Variants in BBS9 observed in about 807,000 individuals in gnomAD.
BBS9 encodes the protein Bardet-Biedl syndrome 9, also known as protein PTHB1.
In BBS9, 89 loss-of-function variants were observed where a neutral mutation model predicts 117.7. That is an observed-to-expected ratio of 0.76 (90% CI 0.64 to 0.90). BBS9 has a LOEUF of 0.90. Among genes scored for constraint, BBS9 ranks in the 40% least tolerant of loss-of-function variants. The probability of loss-of-function intolerance (pLI) is 0.00; values close to 1 mark genes in which losing one functional copy is unlikely to be tolerated. For missense variants in BBS9, 982 were observed against 1,042.2 expected, an observed-to-expected ratio of 0.94 and a Z score of 0.80; for synonymous variants, 379 against 370.9, an observed-to-expected ratio of 1.02 and a Z score of -0.25.
intron 5 of BBS9, among the ~76,000 whole-genome samples, chr7:33,229,025 G>A (rs2128252118): frequency 6.6e-6 from 1 of 152,168 alleles, no homozygotes; most frequent in South Asian, 2.1e-4. Flanking sequence ...TGAGGATGAA[G>A]ACTTAGGCTT....
At chr7:33,391,269 T>C (rs1169404622) in intron 19 of BBS9, among the ~76,000 whole-genome samples, 1 of 152,190 alleles carries the variant, frequency 6.6e-6, no homozygotes, top group Non-Finnish European at 1.5e-5. Context: ...GTGGCATAAC[T>C]CCACTGCATG....
chr7:33,225,194 T>C (rs1173779717), intron 5 of BBS9, among the ~76,000 whole-genome samples: 1 of 152,096 alleles, frequency 6.6e-6, no homozygotes, highest in Non-Finnish European at 1.5e-5. Context: ...TTATTGTTAT[T>C]ATTTGTTTAT....
intron 9 of BBS9, among the ~76,000 whole-genome samples, chr7:33,299,532 A>G (rs939569998): frequency 4.7e-5 from 7 of 149,692 alleles, no homozygotes; most frequent in African/African-American, 1.7e-4. Context: ...CCAAAATAAT[A>G]GTAATATTAT....
intron 20 of BBS9, among the ~76,000 whole-genome samples, chr7:33,525,112 GA>G (rs1197687265): frequency 6.6e-6 from 1 of 152,216 alleles, no homozygotes; most frequent in African/African-American, 2.4e-5. Flanking sequence ...TGGTCTGAGA[GA>G]TAGTTTGTTA....
intron 9 of BBS9, among the ~76,000 whole-genome samples, chr7:33,301,579 T>C (rs1417992083): frequency 1.3e-5 from 2 of 152,174 alleles, no homozygotes; most frequent in South Asian, 4.1e-4. Context: ...TCCATTCATG[T>C]TGTTGCAAAT....
At chr7:33,255,520 A>C (rs1285180161) in intron 5 of BBS9, among the ~76,000 whole-genome samples, 1 of 152,188 alleles carries the variant, frequency 6.6e-6, no homozygotes, top group Non-Finnish European at 1.5e-5. Context: ...AGCTACAGGA[A>C]TATCAGTAAC....
In BBS9 at chr7:33,383,637, A is replaced by C. The variant is rs755167963; in HGVS notation, c.1790-29A>C. ...TTTATCTAGTAATTCTGTGTTACTA[A>C]GCATTTTTCCTTAATTTTTTTCTCT... On this transcript the variant is annotated intron_variant, in intron 17 of 22. Transcript: ENST00000242067. The C allele has an allele frequency of 4.4e-6, 7 of 1,574,758 alleles. No individual in the cohort carries two copies. The South Asian group carries it at 8.0e-5, about 18-fold the overall frequency.
At chr7:33,304,374 T>G (rs1407287872) in intron 9 of BBS9, among the ~76,000 whole-genome samples, 1 of 135,808 alleles carries the variant, frequency 7.4e-6, no homozygotes, top group Non-Finnish European at 1.6e-5. Context: ...GGAGCACCTC[T>G]GCCCGGCCGC....
intron 21 of BBS9, among the ~76,000 whole-genome samples, chr7:33,577,379 G>T (rs565553721): frequency 3.3e-5 from 5 of 152,212 alleles, no homozygotes; most frequent in African/African-American, 1.2e-4. Context: ...TTAGAATGGC[G>T]ATCGTTAAAA....
chr7:33,272,410 G>A (rs1799947494), intron 7 of BBS9, among the ~76,000 whole-genome samples: 2 of 152,226 alleles, frequency 1.3e-5, no homozygotes, highest in South Asian at 4.1e-4. Flanking sequence ...TCAAAATGGT[G>A]TGTCTTTGCT....
chr7:33,480,349 G>T (rs939877467), intron 19 of BBS9, among the ~76,000 whole-genome samples: 6 of 152,184 alleles, frequency 3.9e-5, no homozygotes, highest in African/African-American at 1.4e-4. Flanking sequence ...GATAAAGAGG[G>T]TTTTTATTTG....
intron 21 of BBS9, among the ~76,000 whole-genome samples, chr7:33,595,242 A>G (rs1357113004): frequency 6.6e-6 from 1 of 152,160 alleles, no homozygotes; most frequent in Non-Finnish European, 1.5e-5. Flanking sequence ...AAGCTATATC[A>G]TCGGAGTAAC....
intron 16 of BBS9, among the ~76,000 whole-genome samples, 157 bp from the exon 17 acceptor site, chr7:33,367,610 A>G (rs1563072600): frequency 6.6e-6 from 1 of 152,226 alleles, no homozygotes; most frequent in Non-Finnish European, 1.5e-5. Context: ...ATTGGAAGCT[A>G]CTATGGAAAT....
intron 5 of BBS9, among the ~76,000 whole-genome samples, chr7:33,234,342 A>G (rs1026620311): frequency 1.3e-5 from 2 of 152,086 alleles, no homozygotes; most frequent in Non-Finnish European, 2.9e-5. Flanking sequence ...CTATTGAGGT[A>G]TAGTTGACAA....
chr7:33,129,291 G>T, upstream of BBS9: 1 of 550,184 alleles, frequency 1.8e-6, no homozygotes, highest in South Asian at 2.4e-5. Context: ...GGCCGGGGGG[G>T]CGTGGCCTGC....
At chr7:33,521,642 A>T (rs1848612145) in intron 20 of BBS9, among the ~76,000 whole-genome samples, 1 of 152,208 alleles carries the variant, frequency 6.6e-6, no homozygotes, top group Middle Eastern at 3.2e-3. Flanking sequence ...TTATAAAAAC[A>T]TGAATATGAT....
intron 19 of BBS9, among the ~76,000 whole-genome samples, chr7:33,435,597 G>C (rs1262475440): frequency 6.6e-6 from 1 of 152,124 alleles, no homozygotes; most frequent in Non-Finnish European, 1.5e-5. Flanking sequence ...TTGCAATATA[G>C]ATGCATCAAT....
intron 19 of BBS9, among the ~76,000 whole-genome samples, chr7:33,497,196 A>T (rs1445540609): frequency 2.0e-5 from 3 of 152,210 alleles, no homozygotes; most frequent in African/African-American, 7.2e-5. Context: ...GCAATTTTTT[A>T]AAAAGTAGAT....
chr7:33,147,086 T>C (rs1792521695), intron 2 of BBS9, among the ~76,000 whole-genome samples: 1 of 152,210 alleles, frequency 6.6e-6, no homozygotes, highest in Non-Finnish European at 1.5e-5. Flanking sequence ...TATTTGGTGG[T>C]AGAAAACAAT....
Sources: gnomAD v4.1 joint callset for allele counts (sites outside exome capture counted in the v4.1 genomes callset) on GRCh38, gnomAD v4.1.1 for gene constraint, MANE v1.5 for transcripts, NCBI Gene and HGNC (gene_info 2026-07-23, HGNC 2026-07-21) for gene names.